Variants in PLCH1 observed in about 807,000 individuals in gnomAD.
PLCH1 encodes the protein 1-phosphatidylinositol 4,5-bisphosphate phosphodiesterase eta-1.
In PLCH1, 60 loss-of-function variants were observed where a neutral mutation model predicts 126.7. The observed-to-expected ratio is 0.47, with a 90% CI of 0.38 to 0.59. PLCH1 has a LOEUF of 0.59. Among genes scored for constraint, PLCH1 ranks in the 20% least tolerant of loss-of-function variants. PLCH1 has a pLI of 0.00. For missense variants in PLCH1, 1,723 were observed against 2,040.0 expected (o/e 0.84, Z 2.99); for synonymous variants, 719 against 734.9 (o/e 0.98, Z 0.35).
At chr3:155,656,355 T>C (rs1463028563) in intron 2 of PLCH1, among the ~76,000 whole-genome samples, 1 of 152,188 alleles carries the variant, frequency 6.6e-6, no homozygotes, top group African/African-American at 2.4e-5. Flanking sequence ...TATCTAAACT[T>C]TATTTCATAA....
intron 10 of PLCH1, among the ~76,000 whole-genome samples, chr3:155,529,552 G>C (rs956848468): frequency 7.2e-5 from 11 of 152,078 alleles, no homozygotes; most frequent in African/African-American, 2.7e-4. Flanking sequence ...CTATACTGTA[G>C]CCTATTAAGT....
intron 10 of PLCH1, among the ~76,000 whole-genome samples, chr3:155,542,422 C>T (rs1407705726): frequency 6.6e-6 from 1 of 152,210 alleles, no homozygotes; most frequent in African/African-American, 2.4e-5. Flanking sequence ...CTTAAGAAGG[C>T]CTGCCTGCCT....
chr3:155,492,568 A>T (rs561024245), intron 18 of PLCH1, among the ~76,000 whole-genome samples, 161 bp downstream of exon 18: 1 of 152,354 alleles, frequency 6.6e-6, no homozygotes, highest in East Asian at 1.9e-4. Context: ...GTACAGCAAG[A>T]ACTGTGTGAC....
chr3:155,461,976 CA>C, intron 21 of PLCH1, among the ~76,000 whole-genome samples: 1 of 152,276 alleles, frequency 6.6e-6, no homozygotes, highest in Admixed American at 6.5e-5. Context: ...ACAATTATTC[CA>C]AATGAAGCAT....
chr3:155,727,221 G>A (rs940586257), intron 1 of PLCH1, among the ~76,000 whole-genome samples: 2 of 151,870 alleles, frequency 1.3e-5, no homozygotes, highest in African/African-American at 2.4e-5. Flanking sequence ...CGTATCTTGT[G>A]TTTAGGGGAG....
intron 10 of PLCH1, among the ~76,000 whole-genome samples, chr3:155,530,886 T>C (rs1722582845): frequency 6.6e-6 from 1 of 152,202 alleles, no homozygotes; most frequent in Non-Finnish European, 1.5e-5. Context: ...AAATTATACA[T>C]AGAACAACGA....
chr3:155,549,078 G>T (rs359541), intron 10 of PLCH1, among the ~76,000 whole-genome samples: 120,094 of 152,132 alleles, frequency 0.79, 49,763 homozygotes, highest in Middle Eastern at 0.94. Context: ...GCCACCCAAG[G>T]TGGTTTTAGT....
At chr3:155,502,118 T>C (rs975953410) in intron 13 of PLCH1, among the ~76,000 whole-genome samples, 6 of 152,178 alleles carry the variant, frequency 3.9e-5, no homozygotes, top group African/African-American at 1.4e-4. Flanking sequence ...TTCTCCGGCA[T>C]TATTTATGCC....
Position 155,523,930 on chromosome 3 carries a change from T to A in PLCH1, c.1437A>T (p.Glu479Asp). 1.9e-6 allele frequency: 3 copies of A among 1,605,336 alleles called. No individual in the cohort carries two copies. The highest frequency in any genetic ancestry group is 2.6e-6 in the Non-Finnish European group (3 of 1,176,010). The change falls in exon 11 of 23, where the codon GAA becomes GAT. Residue 479 changes from glutamate to aspartate, a missense_variant. Glu to Asp is a conservative substitution (Grantham distance 45). Transcript: ENST00000460012. Reference protein sequence around the residue: ...GEVSDEDSADEIEDECKFKLH... With the variant: ...GEVSDEDSADDIEDECKFKLH... ...GCTTGAATTTGCACTCGTCTTCAAT[T>A]TCATCTGCACTGTCCTCATCAGAAA...
chr3:155,555,170 C>G (rs920295143), intron 8 of PLCH1, among the ~76,000 whole-genome samples: 1 of 152,252 alleles, frequency 6.6e-6, no homozygotes, highest in Non-Finnish European at 1.5e-5. Context: ...TATCTTACCT[C>G]ATACAATAGC....
intron 5 of PLCH1, among the ~76,000 whole-genome samples, chr3:155,584,208 A>G (rs1418441655): frequency 6.6e-6 from 1 of 152,234 alleles, no homozygotes; most frequent in Non-Finnish European, 1.5e-5. Flanking sequence ...TAAAGAACCA[A>G]TAAAAATGAG....
At chr3:155,675,999 T>G (rs1318628758) in intron 2 of PLCH1, 3 of 1,518,676 alleles carry the variant, frequency 2.0e-6, no homozygotes, top group Non-Finnish European at 2.7e-6. Context: ...AGTCTTACCT[T>G]TTTCTGGACT....
chr3:155,519,018 G>A (rs886371659), intron 11 of PLCH1, among the ~76,000 whole-genome samples: 5 of 152,240 alleles, frequency 3.3e-5, no homozygotes, highest in Admixed American at 3.3e-4. Context: ...GCTGCTAAAG[G>A]AATGATATCT....
intron 11 of PLCH1, among the ~76,000 whole-genome samples, chr3:155,516,355 T>C (rs769118554): frequency 4.6e-5 from 7 of 152,224 alleles, no homozygotes; most frequent in Non-Finnish European, 7.3e-5. Flanking sequence ...TAACTCATTG[T>C]AACTGAGATT....
chr3:155,722,580 A>G (rs1748034324), intron 1 of PLCH1, among the ~76,000 whole-genome samples: 1 of 152,184 alleles, frequency 6.6e-6, no homozygotes, highest in Non-Finnish European at 1.5e-5. Flanking sequence ...TGAGATAATC[A>G]TGTGATTTTT....
At chr3:155,455,702 T>C (rs532260861) in intron 21 of PLCH1, among the ~76,000 whole-genome samples, 1 of 152,318 alleles carries the variant, frequency 6.6e-6, no homozygotes, top group Admixed American at 6.5e-5. Flanking sequence ...GCAAAGCTGT[T>C]TCTTTTGAAG....
intron 18 of PLCH1, among the ~76,000 whole-genome samples, 194 bp from the exon 19 acceptor site, chr3:155,491,062 G>C (rs1392504264): frequency 1.3e-5 from 2 of 152,146 alleles, no homozygotes; most frequent in Non-Finnish European, 2.9e-5. Context: ...TTAAATTACT[G>C]TTTGCTAGTA....
chr3:155,736,966 A>T (rs1749225358), intron 1 of PLCH1, among the ~76,000 whole-genome samples: 1 of 152,068 alleles, frequency 6.6e-6, no homozygotes, highest in African/African-American at 2.4e-5. Flanking sequence ...ACAGTGGCTC[A>T]TGCCTGTAAC....
At chr3:155,514,640 A>G (rs1459584319) in intron 12 of PLCH1, 83 bp downstream of exon 12, 6 of 865,974 alleles carry the variant, frequency 6.9e-6, no homozygotes, top group Admixed American at 3.0e-5. Context: ...AAGTTGGAGG[A>G]GCATTTCACA....
Sources: gnomAD v4.1 joint callset for allele counts (sites outside exome capture counted in the v4.1 genomes callset) on GRCh38, gnomAD v4.1.1 for gene constraint, MANE v1.5 for transcripts, NCBI Gene and HGNC (gene_info 2026-07-23, HGNC 2026-07-21) for gene names.